ACCSL: variants seen among roughly 807,000 people sequenced by gnomAD.
ACCSL encodes probable inactive 1-aminocyclopropane-1-carboxylate synthase-like protein 2.
In ACCSL, 55 loss-of-function variants were observed where a neutral mutation model predicts 61.7. The observed-to-expected ratio is 0.89, with a 90% CI of 0.72 to 1.12. The LOEUF is 1.12. Ranked by LOEUF, ACCSL falls within the 50% of genes most tolerant of loss-of-function variation. ACCSL has a pLI of 0.00. For synonymous variants in ACCSL, 258 were observed against 264.3 expected (o/e 0.98, Z 0.23); for missense variants, 632 against 698.0 (o/e 0.91, Z 1.07).
the ACCSL span, among the ~76,000 whole-genome samples, chr11:43,979,394 T>C: frequency 6.6e-6 from 1 of 152,108 alleles, no homozygotes; most frequent in Admixed American, 6.5e-5. Context: ...TGATGAGCCA[T>C]AGTGGCATTT....
chr11:43,975,405 T>C, the ACCSL span, among the ~76,000 whole-genome samples: 1 of 152,202 alleles, frequency 6.6e-6, no homozygotes, highest in East Asian at 1.9e-4. Context: ...TCCAGATCTT[T>C]TGTTAAGATC....
upstream of ACCSL, among the ~76,000 whole-genome samples, chr11:44,044,413 GA>G (rs915424962): frequency 1.4e-4 from 21 of 152,248 alleles, no homozygotes; most frequent in African/African-American, 5.1e-4. Context: ...TACAGTTAGT[GA>G]GCAGCAATTA....
At position 44,053,066 on chromosome 11, in the gene ACCSL, G is replaced by A. The variant is rs1183937408; in HGVS notation, c.946G>A (p.Glu316Lys). ...GGAAGCCCTGCTTGAAGCTAGGCTT[G>A]AGGTAAGGTGGGAACCATATTTTTA... is the stretch of plus-strand genomic sequence containing the variant. ...LEEALLEARL[E>K]GKKVRGLVLI... The change falls in exon 7 of 14, where the codon GAG (glutamate) becomes AAG (lysine). Residue 316 changes from glutamate (E) to lysine (K), a missense_variant and splice_region_variant. Physicochemically the swap from Glu to Lys is moderately conservative, Grantham distance 56. Coordinates refer to ENST00000378832, the MANE Select transcript of ACCSL (RefSeq NM_001031854.2). 6.2e-7 allele frequency: 1 copy of A among 1,613,650 alleles called. No individual in the cohort carries two copies. The highest frequency in any genetic ancestry group is 1.7e-5 in the Admixed American group (1 of 60,016).
the ACCSL span, chr11:43,944,189 T>G: frequency 1.6e-5 from 4 of 244,664 alleles, no homozygotes; most frequent in Non-Finnish European, 3.2e-5. Context: ...AGCTCTCTCC[T>G]CCGTACAGTT....
At chr11:44,029,496 T>C in the ACCSL span, among the ~76,000 whole-genome samples, 1 of 152,216 alleles carries the variant, frequency 6.6e-6, no homozygotes, top group Admixed American at 6.5e-5. Context: ...AGGTGCTCAG[T>C]CATTATTGCT....
At chr11:43,921,712 T>G in the ACCSL span, among the ~76,000 whole-genome samples, 404 of 152,332 alleles carry the variant, frequency 2.7e-3, 1 homozygote, top group African/African-American at 9.4e-3. Context: ...GCATTTGATC[T>G]CTTCACTTGT....
the ACCSL span, among the ~76,000 whole-genome samples, chr11:44,033,319 T>C: frequency 1.3e-5 from 2 of 152,138 alleles, no homozygotes; most frequent in African/African-American, 4.8e-5. Flanking sequence ...ACTTGCGGCA[T>C]GAACCCTGGG....
At chr11:43,955,797 T>C in the ACCSL span, among the ~76,000 whole-genome samples, 1 of 152,148 alleles carries the variant, frequency 6.6e-6, no homozygotes, top group Non-Finnish European at 1.5e-5. Context: ...CAATTTTTTA[T>C]GTCTACACCT....
chr11:43,964,654 A>G, the ACCSL span, among the ~76,000 whole-genome samples: 2 of 152,162 alleles, frequency 1.3e-5, no homozygotes, highest in Admixed American at 1.3e-4. Flanking sequence ...CCAAAAGACT[A>G]CAGAACAATA....
the ACCSL span, among the ~76,000 whole-genome samples, chr11:44,034,937 A>C: frequency 6.6e-6 from 1 of 152,198 alleles, no homozygotes; most frequent in Non-Finnish European, 1.5e-5. Context: ...CATCATGCTC[A>C]TAGTAAAAGC....
chr11:44,041,021 C>G, the ACCSL span, among the ~76,000 whole-genome samples: 521 of 152,236 alleles, frequency 3.4e-3, 1 homozygote, highest in Non-Finnish European at 3.7e-3. Flanking sequence ...ATGGTACCCT[C>G]CTAATAGGAC....
At chr11:43,921,350 C>T in the ACCSL span, among the ~76,000 whole-genome samples, 2 of 152,180 alleles carry the variant, frequency 1.3e-5, no homozygotes, top group Non-Finnish European at 2.9e-5. Context: ...TGTAGTCCCC[C>T]TGCCCTTTTA....
At chr11:43,973,928 A>G in the ACCSL span, 4 of 152,194 alleles carry the variant, frequency 2.6e-5, no homozygotes, top group African/African-American at 9.7e-5. Flanking sequence ...GGAAGAGCCA[A>G]CGTACTAAGG....
the ACCSL span, among the ~76,000 whole-genome samples, chr11:43,963,254 A>G: frequency 6.6e-6 from 1 of 152,192 alleles, no homozygotes; most frequent in Admixed American, 6.5e-5. Context: ...TATGGCAGAG[A>G]TTAATAGTGA....
At chr11:43,929,090 C>G in the ACCSL span, among the ~76,000 whole-genome samples, 1 of 152,228 alleles carries the variant, frequency 6.6e-6, no homozygotes, top group Non-Finnish European at 1.5e-5. Context: ...CTGAGTTTCC[C>G]CATCTTCTAT....
chr11:44,055,284 A>ATGAAAAGG lies in ACCSL; in HGVS notation c.1136_1139+4dup. On this transcript the variant is annotated frameshift_variant, in exon 9 of 14. Transcript: ENST00000378832. LOFTEE classifies it high-confidence loss of function. ...CATCACATTCCACAGCATTCTGAGC[A>ATGAAAAGG]TGAAAAGGTGAGCTGGTCTCAGCTG... The ATGAAAAGG allele has an allele frequency of 6.2e-7, 1 of 1,612,446 alleles. No homozygotes were observed. The highest frequency in any genetic ancestry group is 2.2e-5 in the East Asian group (1 of 44,862).
At chr11:44,058,727 TA>T in intron 13 of ACCSL, 28 bp downstream of exon 13, 1 of 1,588,458 alleles carries the variant, frequency 6.3e-7, no homozygotes, top group Non-Finnish European at 8.6e-7. Context: ...CCCAATCCTT[TA>T]AAGACGCCCC....
At chr11:44,054,902 T>C (rs1307175804) in intron 8 of ACCSL, among the ~76,000 whole-genome samples, 9 of 152,194 alleles carry the variant, frequency 5.9e-5, no homozygotes, top group Admixed American at 4.6e-4. Flanking sequence ...CTCTGCTTGA[T>C]GGTTGAATGG....
chr11:43,971,250 A>G, the ACCSL span, among the ~76,000 whole-genome samples: 1 of 147,030 alleles, frequency 6.8e-6, no homozygotes. Context: ...GGAGAATGGC[A>G]TTCCAGCCTG....
Sources: gnomAD v4.1 joint callset for allele counts (sites outside exome capture counted in the v4.1 genomes callset) on GRCh38, gnomAD v4.1.1 for gene constraint, MANE v1.5 for transcripts, NCBI Gene and HGNC (gene_info 2026-07-23, HGNC 2026-07-21) for gene names.